Variants in KITLG observed in about 807,000 individuals in gnomAD.
The protein encoded by KITLG is c-Kit ligand.
In KITLG, 13 loss-of-function variants were observed where a neutral mutation model predicts 34.1. That is an observed-to-expected ratio of 0.38 (90% CI 0.25 to 0.61). The LOEUF (loss-of-function observed/expected upper bound fraction) is 0.61, where lower values mean the gene tolerates loss of function less well. Ranked by LOEUF, KITLG falls within the 20% of genes least tolerant of loss-of-function variation. The pLI, the probability that KITLG is intolerant of heterozygous loss-of-function variation, is 0.60. For missense variants in KITLG, 292 were observed against 318.9 expected, an observed-to-expected ratio of 0.92 and a Z score of 0.64; for synonymous variants, 110 against 104.0, an observed-to-expected ratio of 1.06 and a Z score of -0.35.
chr12:88,572,059 T>G (rs1204768261), intron 1 of KITLG, among the ~76,000 whole-genome samples: 1 of 152,202 alleles, frequency 6.6e-6, no homozygotes, highest in Non-Finnish European at 1.5e-5. Flanking sequence ...TTTGATTTTA[T>G]AATATAATGA....
chr12:88,517,644 C>T (rs1869504348), intron 4 of KITLG, among the ~76,000 whole-genome samples: 1 of 152,086 alleles, frequency 6.6e-6, no homozygotes, highest in African/African-American at 2.4e-5. Flanking sequence ...ATCTCTACTT[C>T]TTTTGAATGC....
intron 9 of KITLG, among the ~76,000 whole-genome samples, chr12:88,502,412 C>A (rs983879464): frequency 2.6e-5 from 4 of 152,040 alleles, no homozygotes; most frequent in Non-Finnish European, 4.4e-5. Context: ...AAAAACAAAC[C>A]CTACTTCAGA....
Position 88,505,139 on chromosome 12 carries a change from G to A in KITLG, c.*37+20C>T, listed in dbSNP as rs1869009499. The A allele has an allele frequency of 3.9e-6, 5 of 1,292,032 alleles. No individual in the cohort carries two copies. Among genetic ancestry groups the A allele is most frequent in the Non-Finnish European group, 5.6e-6 (5 of 899,580 alleles). The allele number at this position is 1,292,032 out of a possible 1,614,324, so 80.0% of individuals were successfully genotyped here. ...TATAATAAAAAAAAGAAAAAAAAAG[G>A]AAAGAAGAAAAAAACTTACCAATGT... On this transcript the variant is annotated intron_variant, in intron 9 of 9. Transcript: ENST00000644744.
At chr12:88,572,595 T>TATATATA (rs1555258293) in intron 1 of KITLG, among the ~76,000 whole-genome samples, 5 of 134,928 alleles carry the variant, frequency 3.7e-5, no homozygotes, top group African/African-American at 1.3e-4. Context: ...ATATACATTA[T>TATATATA]TATATATATA....
At chr12:88,556,800 A>G (rs979279038) in intron 1 of KITLG, among the ~76,000 whole-genome samples, 16 of 152,168 alleles carry the variant, frequency 1.1e-4, no homozygotes, top group Admixed American at 9.8e-4. Context: ...AATACATGAG[A>G]GGGAAATCAG....
intron 1 of KITLG, among the ~76,000 whole-genome samples, chr12:88,565,185 CA>C (rs531023685): frequency 9.2e-5 from 14 of 152,230 alleles, no homozygotes; most frequent in Admixed American, 4.6e-4. Flanking sequence ...AACTACACAA[CA>C]TCCTTTACTT....
At chr12:88,512,405 A>G (rs1399421615) in intron 6 of KITLG, among the ~76,000 whole-genome samples, 1 of 152,100 alleles carries the variant, frequency 6.6e-6, no homozygotes, top group African/African-American at 2.4e-5. Flanking sequence ...GACCTATGAC[A>G]CACTAGCAAT....
chr12:88,507,106 G>C lies in KITLG; in HGVS notation c.636C>G (p.Ser212Arg), dbSNP rs1869094952. 8 of 1,613,336 alleles carry C rather than the reference G, an allele frequency of 5.0e-6. No individual in the cohort carries two copies. The highest frequency in any genetic ancestry group is 6.8e-6 in the Non-Finnish European group (8 of 1,179,454). ...RKAKNPPGDS[S>R]LHWAAMALPA... Reference sequence around the variant, plus strand: ...GCAATGCCATGGCTGCCCAGTGTAGGCTGGAGTCTCCAGGGGGATTTTTGG... The same window carrying C: ...GCAATGCCATGGCTGCCCAGTGTAGCCTGGAGTCTCCAGGGGGATTTTTGG... Residue 212 changes from serine (S) to arginine (R), a missense_variant, in exon 7 of 10, where the codon AGC (serine) becomes AGG (arginine). By Grantham distance (110) the Ser-to-Arg change is moderately radical. This residue lies in a region of KITLG where 140 missense variants were observed against 111.0 expected (regional missense o/e 1.26). Coordinates refer to ENST00000644744, the MANE Select transcript of KITLG (RefSeq NM_000899.5).
At chr12:88,570,272 T>C (rs1871601941) in intron 1 of KITLG, among the ~76,000 whole-genome samples, 1 of 152,056 alleles carries the variant, frequency 6.6e-6, no homozygotes, top group South Asian at 2.1e-4. Context: ...CTCACAACAG[T>C]CAGATGAGTC....
intron 1 of KITLG, among the ~76,000 whole-genome samples, chr12:88,568,459 C>T (rs1871526805): frequency 6.6e-6 from 1 of 152,080 alleles, no homozygotes; most frequent in Non-Finnish European, 1.5e-5. Flanking sequence ...CATGCCCAGA[C>T]TATAATCTCA....
chr12:88,578,275 G>C (rs544828468), intron 1 of KITLG, among the ~76,000 whole-genome samples: 19 of 152,068 alleles, frequency 1.2e-4, no homozygotes, highest in Non-Finnish European at 2.8e-4. Context: ...AACCTTGAAG[G>C]TCATTAGATC....
At chr12:88,521,810 C>A (rs530421822) in intron 3 of KITLG, among the ~76,000 whole-genome samples, 2 of 152,256 alleles carry the variant, frequency 1.3e-5, no homozygotes, top group African/African-American at 4.8e-5. Flanking sequence ...TTCTTACCTT[C>A]TTTCTTGATA....
chr12:88,497,290 A>G (rs766548618), intron 9 of KITLG, 109 bp from the exon 10 acceptor site: 6 of 256,970 alleles, frequency 2.3e-5, no homozygotes, highest in Non-Finnish European at 3.2e-5. Context: ...ACAAATTTGC[A>G]ATGTATGCTT....
intron 2 of KITLG, among the ~76,000 whole-genome samples, chr12:88,543,362 T>C (rs1414538939): frequency 6.6e-6 from 1 of 152,122 alleles, no homozygotes; most frequent in African/African-American, 2.4e-5. Flanking sequence ...ACATGCGGTG[T>C]TTGGTTTTCT....
At chr12:88,533,129 G>T (rs1168396507) in intron 2 of KITLG, among the ~76,000 whole-genome samples, 1 of 152,182 alleles carries the variant, frequency 6.6e-6, no homozygotes, top group African/African-American at 2.4e-5. Context: ...GATTCATTTT[G>T]TGATGTAACT....
intron 1 of KITLG, among the ~76,000 whole-genome samples, chr12:88,559,233 A>G (rs1280614288): frequency 6.6e-6 from 1 of 152,206 alleles, no homozygotes; most frequent in Non-Finnish European, 1.5e-5. Context: ...TAAGTTATCC[A>G]GGGTTGTAGA....
chr12:88,580,148 G>C, intron 1 of KITLG, 116 bp downstream of exon 1: 3 of 1,111,510 alleles, frequency 2.7e-6, no homozygotes, highest in Non-Finnish European at 4.0e-6. Context: ...TGTCTCACCC[G>C]GCAGGCACAG....
chr12:88,530,409 C>A (rs1217964716), intron 3 of KITLG, among the ~76,000 whole-genome samples: 1 of 152,080 alleles, frequency 6.6e-6, no homozygotes, highest in African/African-American at 2.4e-5. Flanking sequence ...ATTTTACCTT[C>A]CTCAGAGTTT....
At chr12:88,523,148 G>A (rs1426372128) in intron 3 of KITLG, among the ~76,000 whole-genome samples, 2 of 152,166 alleles carry the variant, frequency 1.3e-5, no homozygotes, top group Non-Finnish European at 2.9e-5. Flanking sequence ...GGCACGAAGT[G>A]TACCTTTCTG....
Sources: gnomAD v4.1 joint callset for allele counts (sites outside exome capture counted in the v4.1 genomes callset) on GRCh38, gnomAD v4.1.1 for gene constraint, gnomAD v4.1.1 regional missense constraint, MANE v1.5 for transcripts, NCBI Gene and HGNC (gene_info 2026-07-23, HGNC 2026-07-21) for gene names.